The following FHIT variants were observed in gnomAD, a reference collection of about 807,000 sequenced individuals.
FHIT encodes the protein fragile histidine triad diadenosine triphosphatase.
Under a neutral mutation model 17.9 loss-of-function variants are expected in FHIT, and 19 were observed. The observed-to-expected ratio is 1.06, with a 90% CI of 0.74 to 1.56. The LOEUF (loss-of-function observed/expected upper bound fraction) is 1.56. Among genes scored for constraint, FHIT ranks in the 40% most tolerant of loss-of-function variants. The probability of loss-of-function intolerance (pLI) is 0.00; values close to 1 mark genes in which losing one functional copy is unlikely to be tolerated. For missense variants in FHIT, 248 were observed against 189.2 expected (o/e 1.31, Z -1.82); for synonymous variants, 81 against 69.7 (o/e 1.16, Z -0.81).
chr3:60,324,573 G>GAAAA lies in FHIT; in HGVS notation c.103+212283_103+212286dup, dbSNP rs4022385. ...TGGGTGACAGAGCGAGACTCCATCA[G>GAAAA]AAAAAAAAAAAAAAGAATTCCAGTT... On this transcript the variant is annotated intron_variant, in intron 5 of 9. Transcript: ENST00000492590. 1.1e-3 allele frequency among the ~76,000 whole-genome samples: 144 copies of GAAAA among 128,850 alleles called. 9 individuals are homozygous for GAAAA. Among genetic ancestry groups the GAAAA allele is most frequent in the Middle Eastern group, 4.1e-3 (1 of 242 alleles). The allele number at this position is 128,850 out of a possible 152,430, so 84.5% of individuals were successfully genotyped here. A position where few individuals can be genotyped will look rare whatever the true frequency, so the allele number is the denominator to read the frequency against.
At chr3:61,057,000 A>C (rs991140913) in intron 2 of FHIT, among the ~76,000 whole-genome samples, 2 of 152,336 alleles carry the variant, frequency 1.3e-5, no homozygotes, top group East Asian at 1.9e-4. Context: ...GGTGGAGTAC[A>C]TATGAATTGT....
chr3:60,243,020 C>T (rs188952802), intron 5 of FHIT, among the ~76,000 whole-genome samples: 1 of 150,900 alleles, frequency 6.6e-6, no homozygotes, highest in East Asian at 2.0e-4. Context: ...CTTGAATCAG[C>T]GTTCTCATTT....
At chr3:60,480,153 A>C (rs1576729970) in intron 5 of FHIT, among the ~76,000 whole-genome samples, 1 of 152,158 alleles carries the variant, frequency 6.6e-6, no homozygotes, top group Non-Finnish European at 1.5e-5. Flanking sequence ...CAGTGGCAGG[A>C]GAGAAAGAGA....
intron 4 of FHIT, among the ~76,000 whole-genome samples, chr3:60,765,777 T>C (rs1023485029): frequency 2.0e-5 from 3 of 152,174 alleles, no homozygotes; most frequent in African/African-American, 7.2e-5. Context: ...TCAGTGTGGG[T>C]GGGTACCATC....
At chr3:61,023,165 G>A (rs1292011331) in intron 3 of FHIT, among the ~76,000 whole-genome samples, 1 of 152,178 alleles carries the variant, frequency 6.6e-6, no homozygotes, top group Non-Finnish European at 1.5e-5. Flanking sequence ...CAAAATCAAT[G>A]TGCAAAAATC....
intron 4 of FHIT, among the ~76,000 whole-genome samples, chr3:60,546,927 C>G (rs1355108519): frequency 6.6e-6 from 1 of 152,072 alleles, no homozygotes; most frequent in African/African-American, 2.4e-5. Flanking sequence ...TGGTAAAAAT[C>G]CTCCCCATAT....
At chr3:59,909,522 G>A (rs1410446928) in intron 8 of FHIT, among the ~76,000 whole-genome samples, 1 of 152,110 alleles carries the variant, frequency 6.6e-6, no homozygotes, top group Non-Finnish European at 1.5e-5. Flanking sequence ...TAGAGACGGG[G>A]TTTCACCACG....
intron 5 of FHIT, among the ~76,000 whole-genome samples, chr3:60,309,865 G>C (rs1433332734): frequency 2.0e-5 from 3 of 151,956 alleles, no homozygotes; most frequent in Non-Finnish European, 4.4e-5. Context: ...ATGGTCTCTG[G>C]GTTCCCTAGA....
intron 4 of FHIT, among the ~76,000 whole-genome samples, chr3:60,576,109 A>G (rs1348315026): frequency 6.6e-6 from 1 of 152,164 alleles, no homozygotes; most frequent in East Asian, 1.9e-4. Context: ...CGCAAGACAG[A>G]GACGGGTAGA....
intron 5 of FHIT, among the ~76,000 whole-genome samples, chr3:60,358,377 C>A (rs996788093): frequency 6.6e-6 from 1 of 151,930 alleles, no homozygotes; most frequent in Non-Finnish European, 1.5e-5. Context: ...GAATTGAAAC[C>A]AAGGATGGAC....
chr3:61,027,702 G>A (rs1306014648), intron 3 of FHIT, among the ~76,000 whole-genome samples: 1 of 152,146 alleles, frequency 6.6e-6, no homozygotes, highest in East Asian at 1.9e-4. Context: ...CATACAATAT[G>A]TATGACAGAA....
At chr3:61,156,277 T>A (rs2037531117) in intron 2 of FHIT, among the ~76,000 whole-genome samples, 1 of 152,204 alleles carries the variant, frequency 6.6e-6, no homozygotes. Flanking sequence ...TCATTGAACC[T>A]GGTAATGGTC....
chr3:60,017,803 G>A (rs1454481761), intron 5 of FHIT, among the ~76,000 whole-genome samples: 2 of 152,160 alleles, frequency 1.3e-5, no homozygotes, highest in African/African-American at 4.8e-5. Context: ...TGCCAACTCA[G>A]AATACACACA....
At chr3:60,860,460 A>AT (rs572908449) in intron 3 of FHIT, among the ~76,000 whole-genome samples, 14,016 of 105,832 alleles carry the variant, frequency 0.13, 2,110 homozygotes, top group Middle Eastern at 0.27. Context: ...ATACATATGT[A>AT]CATATATATG....
chr3:60,682,291 G>A (rs536098528), intron 4 of FHIT, among the ~76,000 whole-genome samples: 1 of 152,290 alleles, frequency 6.6e-6, no homozygotes, highest in Admixed American at 6.5e-5. Flanking sequence ...TTTCAAGAGA[G>A]ATGAAACAGC....
At chr3:60,830,360 T>A (rs1488338180) in intron 3 of FHIT, among the ~76,000 whole-genome samples, 2 of 152,134 alleles carry the variant, frequency 1.3e-5, no homozygotes, top group African/African-American at 4.8e-5. Context: ...AAGTTTAGCA[T>A]GATTTTCATT....
intron 2 of FHIT, among the ~76,000 whole-genome samples, chr3:61,063,720 T>A (rs1477567409): frequency 6.6e-6 from 1 of 152,146 alleles, no homozygotes; most frequent in Non-Finnish European, 1.5e-5. Context: ...CGTGGTAAAC[T>A]GAAACACATG....
intron 5 of FHIT, among the ~76,000 whole-genome samples, chr3:60,015,946 G>C (rs1269514331): frequency 1.3e-5 from 2 of 152,120 alleles, no homozygotes; most frequent in African/African-American, 4.8e-5. Context: ...AAATTAATTA[G>C]AAGAACAGCA....
intron 3 of FHIT, among the ~76,000 whole-genome samples, chr3:61,024,565 A>G (rs2032632016): frequency 6.6e-6 from 1 of 152,144 alleles, no homozygotes; most frequent in Non-Finnish European, 1.5e-5. Flanking sequence ...TTACATTTGT[A>G]TGTATGAGCA....
Sources: allele counts gnomAD v4.1 joint callset (sites outside exome capture counted in the v4.1 genomes callset), GRCh38; gene constraint gnomAD v4.1.1; transcripts MANE v1.5; gene names NCBI Gene and HGNC (gene_info 2026-07-23, HGNC 2026-07-21).